Variants in ZMYM2 observed in about 807,000 individuals in gnomAD.
ZMYM2 encodes the protein zinc finger MYM-type containing 2.
A neutral mutation model predicts 162.8 loss-of-function variants in ZMYM2; 56 were observed. The ratio of observed to expected loss-of-function variants is 0.34; its 90% CI spans 0.28 to 0.43. ZMYM2 has a LOEUF of 0.43. ZMYM2 is among the 20% of genes least tolerant of loss of function. The probability of loss-of-function intolerance (pLI) is 1.00; values close to 1 mark genes in which losing one functional copy is unlikely to be tolerated. For synonymous variants in ZMYM2, 510 were observed against 541.6 expected, an observed-to-expected ratio of 0.94 and a Z score of 0.81; for missense variants, 1,275 against 1,621.8, an observed-to-expected ratio of 0.79 and a Z score of 3.67.
Position 20,031,394 on chromosome 13 carries a change from A to T in ZMYM2, c.1927A>T (p.Lys643Ter). The part of the protein sequence containing the change: ...SDIQLKCNYC[K>*]NSFCSKPEIL... ...TATTCAGTTGAAATGCAACTACTGCAAAAATTCCTTTTGTTCAAAACCAGA... is the reference window on the plus strand; with the variant it reads ...TATTCAGTTGAAATGCAACTACTGCTAAAATTCCTTTTGTTCAAAACCAGA... The change falls in exon 10 of 25, where the codon AAA becomes TAA. Residue 643 changes from lysine (K) to a stop codon, truncating the protein, a stop_gained. Coordinates refer to ENST00000610343, the MANE Select transcript of ZMYM2 (RefSeq NM_197968.4). LOFTEE classifies it high-confidence loss of function. The T allele has an allele frequency of 6.2e-7, 1 of 1,608,404 alleles. No individual in the cohort carries two copies. The highest frequency in any genetic ancestry group is 8.5e-7 in the Non-Finnish European group (1 of 1,178,170).
At chr13:19,931,797 A>C in the ZMYM2 span, among the ~76,000 whole-genome samples, 2 of 152,074 alleles carry the variant, frequency 1.3e-5, no homozygotes, top group Non-Finnish European at 2.9e-5. Context: ...CTAATTTTTA[A>C]AACATTTTTT....
chr13:19,961,617 G>A (rs988940830), intron 2 of ZMYM2, among the ~76,000 whole-genome samples: 12 of 152,010 alleles, frequency 7.9e-5, no homozygotes, highest in African/African-American at 2.7e-4. Flanking sequence ...CTTGATAATT[G>A]GTTGTGTTTA....
At chr13:20,013,809 TA>T (rs1357986813) in intron 6 of ZMYM2, among the ~76,000 whole-genome samples, 1 of 152,204 alleles carries the variant, frequency 6.6e-6, no homozygotes, top group Non-Finnish European at 1.5e-5. Flanking sequence ...ATCCTTTTAA[TA>T]TATTGAATTC....
chr13:19,992,959 A>G, intron 2 of ZMYM2, 104 bp from the exon 3 acceptor site: 2 of 1,253,204 alleles, frequency 1.6e-6, no homozygotes, highest in Non-Finnish European at 2.1e-6. Flanking sequence ...CACTTCATTT[A>G]GAATAAAAAT....
At chr13:19,965,259 A>G in intron 2 of ZMYM2, 7 of 1,300,422 alleles carry the variant, frequency 5.4e-6, no homozygotes, top group Non-Finnish European at 7.0e-6. Context: ...AGTCACCTGG[A>G]TACCATCTCT....
At chr13:19,955,315 A>G (rs1169719216), upstream of ZMYM2, among the ~76,000 whole-genome samples, 1 of 152,162 alleles carries the variant, frequency 6.6e-6, no homozygotes, top group East Asian at 1.9e-4. Context: ...AGTGAGGTGC[A>G]AGGTGCAAGT....
chr13:20,036,811 C>A lies in ZMYM2; in HGVS notation c.2194C>A (p.Gln732Lys). ...ATGTGTTACTTGCAACTATTGTTCT[C>A]AGCTATGTAAGAAGGGAGCAACTAA... ...LRCVTCNYCS[Q>K]LCKKGATKEL... Residue 732 changes from glutamine (Q) to lysine (K), a missense_variant, in exon 12 of 25, where the codon CAG becomes AAG. Transcript: ENST00000610343. 6.2e-7 allele frequency: 1 copy of A among 1,608,246 alleles called. No individual in the cohort carries two copies. Among genetic ancestry groups the A allele is most frequent in the South Asian group, 1.1e-5 (1 of 89,872 alleles).
At chr13:19,913,144 C>T in the ZMYM2 span, among the ~76,000 whole-genome samples, 10 of 152,078 alleles carry the variant, frequency 6.6e-5, no homozygotes, top group African/African-American at 1.4e-4. Flanking sequence ...GAGCCTTTGG[C>T]GGGCCCCTAT....
chr13:19,983,526 TAGA>T (rs576415059), intron 2 of ZMYM2, among the ~76,000 whole-genome samples: 75 of 152,382 alleles, frequency 4.9e-4, no homozygotes, highest in African/African-American at 1.8e-3. Context: ...ATGGTAATAG[TAGA>T]AGAATGTTCT....
chr13:19,866,900 CAAAA>C, the ZMYM2 span, among the ~76,000 whole-genome samples: 1 of 144,376 alleles, frequency 6.9e-6, no homozygotes, highest in Admixed American at 6.9e-5. Context: ...GTCTCAAAAA[CAAAA>C]AAAAAAGTTG....
chr13:20,005,950 C>T (rs1950707584), intron 5 of ZMYM2, among the ~76,000 whole-genome samples: 1 of 152,064 alleles, frequency 6.6e-6, no homozygotes, highest in South Asian at 2.1e-4. Flanking sequence ...GAAAATGGGG[C>T]CAGGCTCAGT....
At chr13:19,957,465 G>C (rs1051110943), upstream of ZMYM2, among the ~76,000 whole-genome samples, 2 of 152,228 alleles carry the variant, frequency 1.3e-5, no homozygotes, top group African/African-American at 4.8e-5. Context: ...CTTGGAAATG[G>C]TTCAGCACCA....
chr13:19,884,537 C>G, the ZMYM2 span, among the ~76,000 whole-genome samples: 5 of 152,026 alleles, frequency 3.3e-5, no homozygotes, highest in Admixed American at 2.6e-4. Flanking sequence ...CGCGCCACTG[C>G]ACTCCAGCCC....
intron 9 of ZMYM2, among the ~76,000 whole-genome samples, chr13:20,029,454 G>A (rs1426748755): frequency 2.6e-5 from 4 of 152,192 alleles, no homozygotes; most frequent in Admixed American, 2.6e-4. Context: ...TGAAAGACTA[G>A]TTAACTTTAA....
chr13:20,032,494 T>G (rs1953258283), intron 10 of ZMYM2, among the ~76,000 whole-genome samples: 1 of 152,006 alleles, frequency 6.6e-6, no homozygotes, highest in Non-Finnish European at 1.5e-5. Context: ...GTATTAACAC[T>G]GTTCTTGAGC....
Position 20,066,985 on chromosome 13 carries a change from T to C in ZMYM2, c.3267T>C (p.Asp1089=), listed in dbSNP as rs750821844. Residue 1089 remains aspartate, a synonymous_variant, in exon 20 of 25, where the codon GAT becomes GAC. Coordinates refer to ENST00000610343, the MANE Select transcript of ZMYM2 (RefSeq NM_197968.4). Reference sequence around the variant, plus strand: ...ACTGGGTCAAAACTAGGCAACTTGATGAAGATCTTCTGGTATTAGATGAGT... The same window carrying C: ...ACTGGGTCAAAACTAGGCAACTTGACGAAGATCTTCTGGTATTAGATGAGT... ...WKHWVKTRQL[D]EDLLVLDELK... is the part of the protein sequence containing the mutation. 1.2e-6 allele frequency: 2 copies of C among 1,611,984 alleles called. No homozygotes were observed. Among genetic ancestry groups the C allele is most frequent in the Non-Finnish European group, 1.7e-6 (2 of 1,179,092 alleles).
At chr13:19,969,750 TTTTCTGAAATTTGTCTAA>T (rs1468643655) in intron 2 of ZMYM2, among the ~76,000 whole-genome samples, 6 of 152,208 alleles carry the variant, frequency 3.9e-5, no homozygotes, top group Non-Finnish European at 8.8e-5. Flanking sequence ...AGATTTTTTA[TTTTCTGAAATTTGTCTAA>T]TAAGGAAATT....
intron 2 of ZMYM2, among the ~76,000 whole-genome samples, chr13:19,961,115 GTT>G (rs77856282): frequency 3.0e-5 from 4 of 134,738 alleles, no homozygotes; most frequent in African/African-American, 5.4e-5. Flanking sequence ...CAATTCTAAG[GTT>G]TTTTTTTTTT....
the ZMYM2 span, among the ~76,000 whole-genome samples, chr13:19,939,670 A>G: frequency 1.3e-5 from 2 of 152,334 alleles, no homozygotes; most frequent in Non-Finnish European, 2.9e-5. Flanking sequence ...ACATCAATAC[A>G]TATACAAATA....
Sources: allele counts gnomAD v4.1 joint callset (sites outside exome capture counted in the v4.1 genomes callset), GRCh38; gene constraint gnomAD v4.1.1; transcripts MANE v1.5; gene names NCBI Gene and HGNC (gene_info 2026-07-23, HGNC 2026-07-21).